Variants in SDCCAG8 observed in about 807,000 individuals in gnomAD.
The protein encoded by SDCCAG8 is serologically defined colon cancer antigen 8.
In SDCCAG8, 74 loss-of-function variants were observed where a neutral mutation model predicts 101.8. That is an observed-to-expected ratio of 0.73 (90% CI 0.60 to 0.88). The LOEUF is 0.88. SDCCAG8 is among the 40% of genes least tolerant of loss of function. The probability of loss-of-function intolerance (pLI) is 0.00; values close to 1 mark genes in which losing one functional copy is unlikely to be tolerated. For missense variants in SDCCAG8, 787 were observed against 822.6 expected (o/e 0.96, Z 0.53); for synonymous variants, 281 against 292.9 (o/e 0.96, Z 0.41).
intron 16 of SDCCAG8, among the ~76,000 whole-genome samples, chr1:243,439,666 A>ACACACACACACACACAC (rs2082400113): frequency 4.0e-5 from 6 of 149,190 alleles, no homozygotes; most frequent in South Asian, 2.2e-4. Flanking sequence ...ACACACACAC[A>ACACACACACACACACAC]TCATTGGAGC....
intron 4 of SDCCAG8, among the ~76,000 whole-genome samples, chr1:243,283,399 A>G (rs2069251183): frequency 1.7e-5 from 1 of 58,546 alleles, no homozygotes; most frequent in Non-Finnish European, 5.7e-5. Context: ...GTCCCTGTTT[A>G]TTTATATATA....
intron 12 of SDCCAG8, among the ~76,000 whole-genome samples, chr1:243,356,426 G>GC (rs934062492): frequency 3.4e-5 from 5 of 148,106 alleles, no homozygotes; most frequent in Admixed American, 6.8e-5. Flanking sequence ...GTGGCGGGGG[G>GC]GTGGTGGGGG....
chr1:243,486,467 C>T (rs1038942736), intron 16 of SDCCAG8, among the ~76,000 whole-genome samples: 1 of 152,170 alleles, frequency 6.6e-6, no homozygotes, highest in African/African-American at 2.4e-5. Flanking sequence ...TGTCTCCTTC[C>T]TCCTTCCCAC....
At chr1:243,437,686 G>A (rs2148077838) in intron 16 of SDCCAG8, among the ~76,000 whole-genome samples, 1 of 152,054 alleles carries the variant, frequency 6.6e-6, no homozygotes, top group African/African-American at 2.4e-5. Flanking sequence ...ACAGGCACCC[G>A]CCACCAGGCC....
chr1:243,324,386 A>G (rs1378149879), intron 9 of SDCCAG8, among the ~76,000 whole-genome samples: 1 of 148,378 alleles, frequency 6.7e-6, no homozygotes, highest in Non-Finnish European at 1.5e-5. Flanking sequence ...TCAGAGTCAA[A>G]TTTCTATTTA....
intron 9 of SDCCAG8, among the ~76,000 whole-genome samples, chr1:243,322,200 T>C (rs547529465): frequency 6.6e-6 from 1 of 152,318 alleles, no homozygotes; most frequent in East Asian, 1.9e-4. Flanking sequence ...AAAGGCTTTA[T>C]TGCAAGTTGA....
chr1:243,300,997 A>T (rs2071442027), intron 6 of SDCCAG8, among the ~76,000 whole-genome samples: 1 of 152,212 alleles, frequency 6.6e-6, no homozygotes. Context: ...ATAAATGAAT[A>T]AAATATATGT....
At chr1:243,471,586 G>A (rs1482241876) in intron 16 of SDCCAG8, among the ~76,000 whole-genome samples, 4 of 152,006 alleles carry the variant, frequency 2.6e-5, no homozygotes, top group South Asian at 2.1e-4. Context: ...AGGCCTTTTC[G>A]GAGGAGGCTG....
intron 9 of SDCCAG8, among the ~76,000 whole-genome samples, chr1:243,327,449 TA>T (rs1422284184): frequency 6.8e-6 from 1 of 147,490 alleles, no homozygotes; most frequent in Admixed American, 6.8e-5. Context: ...TATAATTTTG[TA>T]GAAATTAAAA....
chr1:243,315,333 T>C (rs752732464), intron 8 of SDCCAG8, among the ~76,000 whole-genome samples: 7 of 152,224 alleles, frequency 4.6e-5, no homozygotes, highest in Non-Finnish European at 8.8e-5. Flanking sequence ...GATAATTTAA[T>C]CTTGCCTTGA....
chr1:243,343,503 A>T (rs575987058), intron 11 of SDCCAG8, among the ~76,000 whole-genome samples: 2 of 152,368 alleles, frequency 1.3e-5, no homozygotes, highest in South Asian at 4.1e-4. Context: ...AACACTTTTA[A>T]GATACTATGT....
Position 243,256,449 on chromosome 1 carries a change from T to TA in SDCCAG8, c.67+210dup, listed in dbSNP as rs1343158752. Among the ~76,000 whole-genome samples the TA allele has an allele frequency of 3.3e-5, 5 of 152,284 alleles. No individual in the cohort carries two copies. In the East Asian group the frequency reaches 9.6e-4, roughly 29 times the overall value. On this transcript the variant is annotated intron_variant, in intron 1 of 17. Transcript: ENST00000366541. ...CGATGTTTCCTCAGATTCCCGTAGT[T>TA]ACCTCAATCAACTCCTTGATCTTAA... is the stretch of plus-strand genomic sequence containing the variant.
At chr1:243,455,984 G>A (rs142532717) in intron 16 of SDCCAG8, among the ~76,000 whole-genome samples, 93 of 152,318 alleles carry the variant, frequency 6.1e-4, no homozygotes, top group Non-Finnish European at 9.3e-4. Context: ...CCTCTGGACC[G>A]AAGGGATGCG....
intron 12 of SDCCAG8, among the ~76,000 whole-genome samples, chr1:243,376,323 A>T (rs1461192882): frequency 6.6e-6 from 1 of 152,190 alleles, no homozygotes; most frequent in Non-Finnish European, 1.5e-5. Context: ...CGATTTTAGG[A>T]GGAAGAAACT....
chr1:243,276,150 C>T (rs1328063548), intron 4 of SDCCAG8, among the ~76,000 whole-genome samples: 2 of 152,040 alleles, frequency 1.3e-5, no homozygotes, highest in East Asian at 1.9e-4. Context: ...GTATGAGCCA[C>T]GATGCCCGGC....
chr1:243,359,388 C>T (rs1321318872), intron 12 of SDCCAG8, among the ~76,000 whole-genome samples: 1 of 152,116 alleles, frequency 6.6e-6, no homozygotes, highest in Non-Finnish European at 1.5e-5. Flanking sequence ...AAAAACTATT[C>T]AATTGTATAC....
intron 12 of SDCCAG8, 31 bp downstream of exon 12, chr1:243,344,362 TTATAGA>T: frequency 7.4e-7 from 1 of 1,355,738 alleles, no homozygotes; most frequent in South Asian, 1.2e-5. Context: ...ATTGCAGCAA[TTATAGA>T]TATGAGTAAC....
intron 17 of SDCCAG8, 69 bp from the exon 18 acceptor site, chr1:243,499,687 G>A: frequency 7.9e-7 from 1 of 1,261,374 alleles, no homozygotes; most frequent in Admixed American, 1.7e-5. Context: ...GACTAAACCA[G>A]CAAATGAGAA....
chr1:243,266,290 T>C (rs1010975537), intron 1 of SDCCAG8, among the ~76,000 whole-genome samples: 1 of 151,980 alleles, frequency 6.6e-6, no homozygotes, highest in African/African-American at 2.4e-5. Context: ...TTTTGTACCC[T>C]TTGACCATCA....
Sources: gnomAD v4.1 joint callset for allele counts (sites outside exome capture counted in the v4.1 genomes callset) on GRCh38, gnomAD v4.1.1 for gene constraint, MANE v1.5 for transcripts, NCBI Gene and HGNC (gene_info 2026-07-23, HGNC 2026-07-21) for gene names.